SENP7: variants seen among roughly 807,000 people sequenced by gnomAD.
SENP7 encodes sentrin-specific protease 7.
In SENP7, 64 loss-of-function variants were observed where a neutral mutation model predicts 141.2. The observed-to-expected ratio is 0.45, with a 90% confidence interval of 0.37 to 0.56. The LOEUF (loss-of-function observed/expected upper bound fraction) is 0.56, where lower values mean the gene tolerates loss of function less well. Ranked by LOEUF, SENP7 falls within the 20% of genes least tolerant of loss-of-function variation. SENP7 has a pLI of 0.00. For missense variants in SENP7, 1,025 were observed against 1,212.2 expected (o/e 0.85, Z 2.29); for synonymous variants, 382 against 426.4 (o/e 0.90, Z 1.28).
At chr3:101,472,359 G>T (rs1304649851) in intron 3 of SENP7, among the ~76,000 whole-genome samples, 1 of 152,190 alleles carries the variant, frequency 6.6e-6, no homozygotes, top group African/African-American at 2.4e-5. Flanking sequence ...CAGGGACATG[G>T]ATGAAGCTGG....
intron 4 of SENP7, chr3:101,457,788 G>A: frequency 1.6e-6 from 1 of 626,126 alleles, no homozygotes; most frequent in Non-Finnish European, 2.8e-6. Context: ...AGAGGGTCCT[G>A]GGTGGACCAG....
rs566831635 is a variant in SENP7, at chr3:101,424,471, AC to A, written c.285-6682del. 2.6e-4 allele frequency among the ~76,000 whole-genome samples: 40 copies of A among 152,096 alleles called. No individual in the cohort carries two copies. The East Asian group carries it at 7.8e-3, about 30-fold the overall frequency. On this transcript the variant is annotated intron_variant, in intron 4 of 23. Coordinates refer to ENST00000394095, the MANE Select transcript of SENP7 (RefSeq NM_020654.5). The stretch of plus-strand genomic sequence containing the variant: ...ACAACTGACCACCATTGCAGTGCAA[AC>A]CATGGCGAGCACAAAGCCAGCCAGC...
At chr3:101,338,938 C>T (rs1402268541) in intron 16 of SENP7, among the ~76,000 whole-genome samples, 1 of 151,956 alleles carries the variant, frequency 6.6e-6, no homozygotes, top group African/African-American at 2.4e-5. Context: ...TTTATAAATA[C>T]AAAAATATCC....
At chr3:101,373,920 C>A (rs1176936670) in intron 6 of SENP7, among the ~76,000 whole-genome samples, 1 of 152,094 alleles carries the variant, frequency 6.6e-6, no homozygotes, top group Non-Finnish European at 1.5e-5. Context: ...ACTGGAAACA[C>A]CCAAGTTCCT....
At chr3:101,366,324 G>T in intron 9 of SENP7, 106 bp downstream of exon 9, 1 of 727,720 alleles carries the variant, frequency 1.4e-6, no homozygotes, top group Non-Finnish European at 2.2e-6. Flanking sequence ...CCACAATGAT[G>T]TCATAAACAG....
At chr3:101,346,762 G>A (rs1398940725) in intron 13 of SENP7, among the ~76,000 whole-genome samples, 2 of 151,786 alleles carry the variant, frequency 1.3e-5, no homozygotes, top group Admixed American at 1.3e-4. Flanking sequence ...AGGGGGAAAG[G>A]GTAGGAAGGG....
At chr3:101,431,344 C>T (rs2062161126) in intron 4 of SENP7, among the ~76,000 whole-genome samples, 1 of 151,772 alleles carries the variant, frequency 6.6e-6, no homozygotes, top group African/African-American at 2.4e-5. Flanking sequence ...TAAGAACTTG[C>T]TTTATGAATC....
chr3:101,452,263 C>A (rs964590878), intron 4 of SENP7, among the ~76,000 whole-genome samples: 3 of 152,140 alleles, frequency 2.0e-5, no homozygotes, highest in Non-Finnish European at 4.4e-5. Flanking sequence ...TAGGAAGAAT[C>A]AATATCATGA....
intron 3 of SENP7, among the ~76,000 whole-genome samples, chr3:101,464,309 T>C (rs2063687664): frequency 6.6e-6 from 1 of 152,130 alleles, no homozygotes; most frequent in Non-Finnish European, 1.5e-5. Flanking sequence ...CAGGAGTCCC[T>C]AACCCCAGGC....
chr3:101,421,763 G>A (rs1033716238), intron 4 of SENP7, among the ~76,000 whole-genome samples: 1 of 152,066 alleles, frequency 6.6e-6, no homozygotes, highest in Non-Finnish European at 1.5e-5. Context: ...AACTAGTAAG[G>A]TGAAAAAATT....
At chr3:101,376,068 A>G (rs984762091) in intron 6 of SENP7, among the ~76,000 whole-genome samples, 1 of 152,230 alleles carries the variant, frequency 6.6e-6, no homozygotes, top group South Asian at 2.1e-4. Flanking sequence ...CTTTGAGGAC[A>G]TTATGCTAAG....
intron 5 of SENP7, among the ~76,000 whole-genome samples, chr3:101,399,840 G>A (rs1016743042): frequency 6.6e-6 from 1 of 152,094 alleles, no homozygotes; most frequent in African/African-American, 2.4e-5. Context: ...TGTCCAGGCT[G>A]GTTTCAAACT....
intron 12 of SENP7, among the ~76,000 whole-genome samples, 187 bp downstream of exon 12, chr3:101,351,431 A>T (rs1311010695): frequency 2.6e-5 from 4 of 151,874 alleles, no homozygotes; most frequent in Non-Finnish European, 5.9e-5. Context: ...ATCCTTTAAC[A>T]CTGTTTGATT....
At chr3:101,362,554 A>G (rs957824756) in intron 10 of SENP7, among the ~76,000 whole-genome samples, 4 of 152,138 alleles carry the variant, frequency 2.6e-5, no homozygotes, top group Non-Finnish European at 5.9e-5. Context: ...TTGGGCTTCT[A>G]TTGAACCTGT....
intron 3 of SENP7, among the ~76,000 whole-genome samples, chr3:101,491,577 C>A (rs1179202477): frequency 2.0e-5 from 3 of 152,152 alleles, no homozygotes; most frequent in African/African-American, 7.2e-5. Flanking sequence ...TCTTTCTACA[C>A]AGCCCAAATT....
At chr3:101,471,407 T>C (rs2063989054) in intron 3 of SENP7, among the ~76,000 whole-genome samples, 1 of 152,168 alleles carries the variant, frequency 6.6e-6, no homozygotes, top group Non-Finnish European at 1.5e-5. Context: ...GGGGAAAGGA[T>C]TCCCTATTTA....
chr3:101,439,977 GC>G (rs2062588349), intron 4 of SENP7, among the ~76,000 whole-genome samples: 1 of 76,516 alleles, frequency 1.3e-5, no homozygotes, highest in South Asian at 5.6e-4. Context: ...CCGGCCAGCC[GC>G]CCCGTCTGGG....
At position 101,328,656 on chromosome 3, in the gene SENP7, T is replaced by C; in HGVS notation, c.2785A>G (p.Met929Val). The stretch of plus-strand genomic sequence containing the variant: ...ACAGCATGTACCTACCTTTTACACA[T>C]TTTCTTTGGTACTGACATATTCGAC... ...TESNMSVPKKMCKRPCILILD... is the reference protein window; with the variant it reads ...TESNMSVPKKVCKRPCILILD... Residue 929 changes from methionine (M) to valine (V), a missense_variant, in exon 21 of 24, where the codon ATG becomes GTG. By Grantham distance (21) the Met-to-Val change is conservative. Transcript: ENST00000394095. The C allele has an allele frequency of 6.2e-7, 1 of 1,608,846 alleles. No individual in the cohort carries two copies. Among genetic ancestry groups the C allele is most frequent in the Non-Finnish European group, 8.5e-7 (1 of 1,177,050 alleles).
At chr3:101,334,192 T>A (rs1288628787) in intron 17 of SENP7, among the ~76,000 whole-genome samples, 1 of 152,164 alleles carries the variant, frequency 6.6e-6, no homozygotes, top group Non-Finnish European at 1.5e-5. Flanking sequence ...GACCCCCTTA[T>A]TAAACCATCT....
Sources: gnomAD v4.1 joint callset for allele counts (sites outside exome capture counted in the v4.1 genomes callset) on GRCh38, gnomAD v4.1.1 for gene constraint, MANE v1.5 for transcripts, NCBI Gene and HGNC (gene_info 2026-07-23, HGNC 2026-07-21) for gene names.